The following PIN4 variants were observed in gnomAD, a reference collection of about 807,000 sequenced individuals.
PIN4 encodes the protein peptidylprolyl cis/trans isomerase, NIMA-interacting 4.
In PIN4, 3 loss-of-function variants were observed where a neutral mutation model predicts 8.3. That is an observed-to-expected ratio of 0.36 (90% CI 0.16 to 0.93). PIN4 has a LOEUF of 0.93. PIN4 is among the 40% of genes least tolerant of loss of function. The probability of loss-of-function intolerance (pLI) is 0.44; values close to 1 mark genes in which losing one functional copy is unlikely to be tolerated. For synonymous variants in PIN4, 18 were observed against 32.5 expected, an observed-to-expected ratio of 0.55 and a Z score of 1.52; for missense variants, 75 against 100.6, an observed-to-expected ratio of 0.75 and a Z score of 1.09.
At chrX:72,223,540 C>T (rs1360167764) in intron 3 of PIN4, among the ~76,000 whole-genome samples, 1 of 107,143 alleles carries the variant, frequency 9.3e-6, no homozygotes, top group Non-Finnish European at 1.9e-5. Flanking sequence ...CAGGCATGCG[C>T]CACCCCACCC....
chrX:72,239,577 C>A (rs1477066847), intron 3 of PIN4, among the ~76,000 whole-genome samples: 1 of 110,757 alleles, frequency 9.0e-6, no homozygotes, highest in Non-Finnish European at 1.9e-5. Flanking sequence ...TCGAGACCAA[C>A]CTGGCTAAAA....
At chrX:72,189,342 A>G (rs1439525370) in intron 2 of PIN4, among the ~76,000 whole-genome samples, 1 of 111,095 alleles carries the variant, frequency 9.0e-6, no homozygotes, top group Non-Finnish European at 1.9e-5. Flanking sequence ...TTATAACTAT[A>G]CCCGCTTCCC....
chrX:72,220,657 T>C (rs755270138), intron 3 of PIN4, among the ~76,000 whole-genome samples: 3 of 104,426 alleles, frequency 2.9e-5, no homozygotes, highest in Admixed American at 1.0e-4. Context: ...TAACCTCCCC[T>C]CCTCCCAGAG....
At chrX:72,182,766 A>G (rs1277288004) in intron 1 of PIN4, among the ~76,000 whole-genome samples, 2 of 111,686 alleles carry the variant, frequency 1.8e-5, no homozygotes, top group Admixed American at 9.5e-5. Flanking sequence ...AGGTTAAAGC[A>G]TTCCTTACTT....
Position 72,185,816 on chromosome X carries a change from AT to A in PIN4, c.44-642del, listed in dbSNP as rs1412896712. ...TTTAGCCAAAAATGGGTAGTGGGAA[AT>A]TTGATCTTTTTAAAAAATGTATTCT... On this transcript the variant is annotated intron_variant, in intron 1 of 3. Transcript: ENST00000373669. Among the ~76,000 whole-genome samples, 41 of 112,668 alleles carry A rather than the reference AT, an allele frequency of 3.6e-4. No individual in the cohort carries two copies. In the East Asian group the frequency reaches 8.3e-3, roughly 23 times the overall value.
intron 3 of PIN4, among the ~76,000 whole-genome samples, chrX:72,257,437 G>A (rs919129587): frequency 3.6e-5 from 4 of 111,562 alleles, no homozygotes; most frequent in Non-Finnish European, 5.7e-5. Context: ...GGCGTGATGG[G>A]CAGGGGCAAA....
chrX:72,246,363 C>T (rs1020902777), intron 3 of PIN4, among the ~76,000 whole-genome samples: 6 of 111,521 alleles, frequency 5.4e-5, no homozygotes, highest in African/African-American at 9.9e-5. Flanking sequence ...CTCACTTGGA[C>T]GACTGCACTA....
intron 2 of PIN4, among the ~76,000 whole-genome samples, chrX:72,194,939 T>A (rs1471354501): frequency 4.5e-5 from 5 of 111,709 alleles, no homozygotes; most frequent in Admixed American, 3.8e-4. Context: ...TTGCTTATGG[T>A]ATTCAGTACA....
chrX:72,192,726 T>G (rs1395282555), intron 2 of PIN4, among the ~76,000 whole-genome samples: 1 of 110,894 alleles, frequency 9.0e-6, no homozygotes, highest in African/African-American at 3.3e-5. Context: ...CCTGAGTAGC[T>G]AAGACTACAG....
intron 3 of PIN4, chrX:72,204,867 T>C: frequency 1.0e-5 from 4 of 398,383 alleles, no homozygotes; most frequent in Non-Finnish European, 1.7e-5. Context: ...GACTATGGAG[T>C]GGGGGGCGTT....
Position 72,190,811 on chromosome X carries a change from G to A in PIN4, c.117+4277G>A, listed in dbSNP as rs190066006. On this transcript the variant is annotated intron_variant, in intron 2 of 3. Transcript: ENST00000373669. ...CTGCTAAAAATACAAAAATTAGTCG[G>A]GTGTGGTGGCGGGTGCCTATAATCC... 1.7e-3 allele frequency among the ~76,000 whole-genome samples: 181 copies of A among 109,219 alleles called. 3 individuals are homozygous for A. Among genetic ancestry groups the A allele is most frequent in the African/African-American group, 6.0e-3 (177 of 29,702 alleles). The allele number at this position is 109,219 out of a possible 115,157, so 94.8% of individuals were successfully genotyped here. A position where few individuals can be genotyped will look rare whatever the true frequency, so the allele number is the denominator to read the frequency against.
chrX:72,184,604 A>C (rs999753894), intron 1 of PIN4, among the ~76,000 whole-genome samples: 12 of 111,799 alleles, frequency 1.1e-4, no homozygotes, highest in African/African-American at 3.9e-4. Flanking sequence ...AGATGACAGC[A>C]TCCAGCAGGG....
At chrX:72,231,241 C>T (rs1202919609) in intron 3 of PIN4, among the ~76,000 whole-genome samples, 1 of 111,560 alleles carries the variant, frequency 9.0e-6, no homozygotes, top group African/African-American at 3.3e-5. Flanking sequence ...ATTATTCAGC[C>T]GTTAAAAGGC....
chrX:72,206,367 T>C, intron 3 of PIN4: 1 of 1,210,541 alleles, frequency 8.3e-7, no homozygotes, highest in African/African-American at 1.7e-5. Context: ...CTTTACCATC[T>C]TGCAAGGTGG....
At chrX:72,259,569 C>G (rs2043128749) in intron 3 of PIN4, among the ~76,000 whole-genome samples, 1 of 109,620 alleles carries the variant, frequency 9.1e-6, no homozygotes, top group East Asian at 2.8e-4. Context: ...ACAGTTTATC[C>G]TCACAACAAA....
At chrX:72,245,416 C>T (rs1030545795) in intron 3 of PIN4, among the ~76,000 whole-genome samples, 1 of 111,641 alleles carries the variant, frequency 9.0e-6, no homozygotes, top group Non-Finnish European at 1.9e-5. Flanking sequence ...GCGATCCTCC[C>T]GCCTCAGCCT....
intron 3 of PIN4, chrX:72,206,476 T>A (rs1243203630): frequency 2.5e-6 from 3 of 1,211,160 alleles, no homozygotes; most frequent in Non-Finnish European, 3.4e-6. Flanking sequence ...ATCTTCTTCC[T>A]GAGTATGATG....
At chrX:72,239,202 C>T (rs769101842) in intron 3 of PIN4, among the ~76,000 whole-genome samples, 40 of 113,307 alleles carry the variant, frequency 3.5e-4, no homozygotes, top group African/African-American at 1.3e-3. Flanking sequence ...AGTGTGCTGC[C>T]TCAGTCTGTG....
At chrX:72,184,340 A>G (rs776697194) in intron 1 of PIN4, among the ~76,000 whole-genome samples, 1 of 112,190 alleles carries the variant, frequency 8.9e-6, no homozygotes, top group African/African-American at 3.2e-5. Context: ...GGAATGAGAC[A>G]TGAGGAAGCT....
Sources: allele counts gnomAD v4.1 joint callset (sites outside exome capture counted in the v4.1 genomes callset), GRCh38; gene constraint gnomAD v4.1.1; transcripts MANE v1.5; gene names NCBI Gene and HGNC (gene_info 2026-07-23, HGNC 2026-07-21).